GALNT18: variants seen among roughly 807,000 people sequenced by gnomAD.
GALNT18 encodes GalNAc-transferase 18.
A neutral mutation model predicts 69.5 loss-of-function variants in GALNT18; 44 were observed. That is an observed-to-expected ratio of 0.63 (90% confidence interval 0.50 to 0.81). The LOEUF (loss-of-function observed/expected upper bound fraction) is 0.81. Among genes scored for constraint, GALNT18 ranks in the 40% least tolerant of loss-of-function variants. The pLI is 0.00. For synonymous variants in GALNT18, 364 were observed against 318.2 expected, an observed-to-expected ratio of 1.14 and a Z score of -1.53; for missense variants, 715 against 810.0, an observed-to-expected ratio of 0.88 and a Z score of 1.42.
rs533228993 is a variant in GALNT18, at chr11:11,563,554, C to T, written c.235+57805G>A. Among the ~76,000 whole-genome samples the T allele has an allele frequency of 6.6e-6, 1 of 152,194 alleles. No homozygotes were observed. Among genetic ancestry groups the T allele is most frequent in the Non-Finnish European group, 1.5e-5 (1 of 68,030 alleles). ...TGACATTCACAGTGTCTTCTAGGTGCAAACAGAGGGCTGTATCATCTCATC... is the reference window on the plus strand; with the variant it reads ...TGACATTCACAGTGTCTTCTAGGTGTAAACAGAGGGCTGTATCATCTCATC... On this transcript the variant is annotated intron_variant, in intron 1 of 10. Coordinates refer to ENST00000227756, the MANE Select transcript of GALNT18 (RefSeq NM_198516.3). This position sits in a 1 kb window ranked among gnomAD's most constrained non-coding sequence, Gnocchi z 4.6.
At chr11:11,288,524 C>G (rs1395446173) in intron 10 of GALNT18, among the ~76,000 whole-genome samples, 1 of 152,190 alleles carries the variant, frequency 6.6e-6, no homozygotes, top group Non-Finnish European at 1.5e-5. Flanking sequence ...TTTACATGCC[C>G]ATGAGCTCCT....
intron 1 of GALNT18, among the ~76,000 whole-genome samples, chr11:11,547,865 C>A (rs1335016234): frequency 6.6e-6 from 1 of 152,198 alleles, no homozygotes; most frequent in Non-Finnish European, 1.5e-5. Flanking sequence ...TCTCAGCCTG[C>A]CCTATATGTA....
rs1859354854 is a variant in GALNT18, at chr11:11,591,241, G to GAC, written c.235+30116_235+30117dup. Among the ~76,000 whole-genome samples the GAC allele has an allele frequency of 6.6e-6, 1 of 151,774 alleles. No individual in the cohort carries two copies. The highest frequency in any genetic ancestry group is 1.5e-5 in the Non-Finnish European group (1 of 67,950). ...AGGCTTTGTAAGGCTTAAAAGCTAA[G>GAC]ACACACATACACACATTATTAGGCA... On this transcript the variant is annotated intron_variant, in intron 1 of 10. Coordinates refer to ENST00000227756, the MANE Select transcript of GALNT18 (RefSeq NM_198516.3). This position sits in a 1 kb window ranked among gnomAD's most constrained non-coding sequence, Gnocchi z 4.8.
rs539677333 is a variant in GALNT18, at chr11:11,404,755, C to T, written c.596-25491G>A. ...ATCCTTTTGACCTCAACCTTCCTCC[C>T]GGCTCCAGCCCCGCACAGACCCTGA... is the stretch of plus-strand genomic sequence containing the variant. On this transcript the variant is annotated intron_variant, in intron 3 of 10. Transcript: ENST00000227756. The surrounding 1 kb of genome is among the most constrained non-coding windows in gnomAD (Gnocchi z 4.5). Among the ~76,000 whole-genome samples the T allele has an allele frequency of 6.6e-5, 10 of 152,288 alleles. No individual in the cohort carries two copies. Among genetic ancestry groups the T allele is most frequent in the East Asian group, 1.9e-4 (1 of 5,174 alleles).
intron 6 of GALNT18, among the ~76,000 whole-genome samples, chr11:11,357,115 G>C (rs1850546452): frequency 6.6e-6 from 1 of 152,010 alleles, no homozygotes; most frequent in African/African-American, 2.4e-5. Context: ...CTTGTATATG[G>C]AAATCACCAG....
Position 11,341,673 on chromosome 11 carries a change from A to C in GALNT18, c.1093-669T>G, listed in dbSNP as rs75484837. Among the ~76,000 whole-genome samples, 7,769 of 152,320 alleles carry C rather than the reference A, an allele frequency of 0.051. 252 individuals carry two copies. The highest frequency in any genetic ancestry group is 0.096 in the Middle Eastern group (28 of 292). On this transcript the variant is annotated intron_variant, in intron 6 of 10. Transcript: ENST00000227756. This position sits in a 1 kb window ranked among gnomAD's most constrained non-coding sequence, Gnocchi z 6.3. ...TCTAAGTGTTAATGGGCAGCATCTCAAAGCTCTCGCTACAATCTTTCCAGC... is the reference window on the plus strand; with the variant it reads ...TCTAAGTGTTAATGGGCAGCATCTCCAAGCTCTCGCTACAATCTTTCCAGC...
At chr11:11,423,381 G>C (rs1441435606) in intron 3 of GALNT18, among the ~76,000 whole-genome samples, 2 of 152,190 alleles carry the variant, frequency 1.3e-5, no homozygotes, top group Non-Finnish European at 2.9e-5. Flanking sequence ...ACTCACACAG[G>C]CATGCCAATT....
chr11:11,517,372 G>A (rs1373505323), intron 1 of GALNT18, among the ~76,000 whole-genome samples: 5 of 152,166 alleles, frequency 3.3e-5, no homozygotes, highest in Admixed American at 2.0e-4. Flanking sequence ...TCTGAATCCT[G>A]TTAGGACTAA....
At chr11:11,329,221 T>C (rs1849977682) in intron 8 of GALNT18, among the ~76,000 whole-genome samples, 1 of 152,252 alleles carries the variant, frequency 6.6e-6, no homozygotes, top group Non-Finnish European at 1.5e-5. Flanking sequence ...ATAACAAATG[T>C]TGCAATAATT....
At chr11:11,570,372 C>T (rs551774500) in intron 1 of GALNT18, among the ~76,000 whole-genome samples, 1 of 152,334 alleles carries the variant, frequency 6.6e-6, no homozygotes, top group South Asian at 2.1e-4. Context: ...TATCTGCTTC[C>T]CTCTCCTTAC....
intron 9 of GALNT18, among the ~76,000 whole-genome samples, chr11:11,295,467 A>G (rs913505676): frequency 6.6e-6 from 1 of 152,138 alleles, no homozygotes; most frequent in African/African-American, 2.4e-5. Flanking sequence ...TCATGGAGAG[A>G]AAGCTGAGAG....
chr11:11,506,179 TC>T (rs1857066880), intron 1 of GALNT18, among the ~76,000 whole-genome samples: 1 of 152,184 alleles, frequency 6.6e-6, no homozygotes, highest in Admixed American at 6.5e-5. Context: ...TCCCCAGAAC[TC>T]CAGCATACAG....
At chr11:11,355,559 AT>A (rs1850513110) in intron 6 of GALNT18, among the ~76,000 whole-genome samples, 2 of 151,556 alleles carry the variant, frequency 1.3e-5, no homozygotes, top group Admixed American at 1.3e-4. Context: ...ATTAAAATTT[AT>A]TTACATATTT....
At chr11:11,328,336 T>C (rs1849961049) in intron 8 of GALNT18, among the ~76,000 whole-genome samples, 1 of 152,030 alleles carries the variant, frequency 6.6e-6, no homozygotes, top group Non-Finnish European at 1.5e-5. Flanking sequence ...ATCAAAACAC[T>C]CTGCCTAGAA....
At chr11:11,275,168 A>G (rs888492949) in intron 10 of GALNT18, among the ~76,000 whole-genome samples, 2 of 152,232 alleles carry the variant, frequency 1.3e-5, no homozygotes, top group African/African-American at 4.8e-5. Context: ...CCAACAGTGT[A>G]AAAGTGTTCC....
In GALNT18 at chr11:11,463,717, G is replaced by A. The variant is rs1856097456; in HGVS notation, c.236-14781C>T. Among the ~76,000 whole-genome samples, 1 of 152,202 alleles carries A rather than the reference G, an allele frequency of 6.6e-6. No individual in the cohort carries two copies. Among genetic ancestry groups the A allele is most frequent in the Non-Finnish European group, 1.5e-5 (1 of 68,032 alleles). ...CAACCCCAGGCCCTGGCAGGATAGG[G>A]AAAGGCTTTGAATCCACGTCAAAGA... is the stretch of plus-strand genomic sequence containing the variant. On this transcript the variant is annotated intron_variant, in intron 1 of 10. Transcript: ENST00000227756. This position sits in a 1 kb window ranked among gnomAD's most constrained non-coding sequence, Gnocchi z 4.2.
rs534146276 is a variant in GALNT18 at position 11,398,078 on chromosome 11, C to A, written c.596-18814G>T. On this transcript the variant is annotated intron_variant, in intron 3 of 10. Transcript: ENST00000227756. Reference sequence around the variant, plus strand: ...CCACACATTATAGGCATTATTTAATCTTCAAAACAACCCTGAGAGGAGCTT... The same window carrying A: ...CCACACATTATAGGCATTATTTAATATTCAAAACAACCCTGAGAGGAGCTT... Among the ~76,000 whole-genome samples, 75 of 152,342 alleles carry A rather than the reference C, an allele frequency of 4.9e-4. 2 individuals are homozygous for A. In the South Asian group the frequency reaches 0.015, roughly 31 times the overall value.
chr11:11,312,823 T>G (rs774862854), intron 9 of GALNT18, among the ~76,000 whole-genome samples: 3 of 152,194 alleles, frequency 2.0e-5, no homozygotes, highest in Non-Finnish European at 2.9e-5. Context: ...AACATTCATT[T>G]AGGAAACAGA....
chr11:11,274,642 C>CA (rs1848899967), intron 10 of GALNT18, among the ~76,000 whole-genome samples: 1 of 152,166 alleles, frequency 6.6e-6, no homozygotes, highest in African/African-American at 2.4e-5. Flanking sequence ...TGGTGGTTTG[C>CA]TGCACCCATC....
Sources: gnomAD v4.1 joint callset for allele counts (sites outside exome capture counted in the v4.1 genomes callset) on GRCh38, gnomAD v4.1.1 for gene constraint, Gnocchi (gnomAD v3.1) non-coding constraint, MANE v1.5 for transcripts, NCBI Gene and HGNC (gene_info 2026-07-23, HGNC 2026-07-21) for gene names.